The following ZNF469 variants were observed in gnomAD, a reference collection of about 807,000 sequenced individuals.
ZNF469 encodes the protein zinc finger protein 469.
A neutral mutation model predicts 1.0 loss-of-function variants in ZNF469; 1 was observed. That is an observed-to-expected ratio of 1.00 (90% CI 0.35 to 4.73). The LOEUF (loss-of-function observed/expected upper bound fraction) is 4.73, where lower values mean the gene tolerates loss of function less well. ZNF469 is among the 30% of genes most tolerant of loss of function. The pLI is 0.16. For missense variants in ZNF469, 6,100 were observed against 5,356.3 expected (o/e 1.14, Z -4.33); for synonymous variants, 2,703 against 2,363.4 (o/e 1.14, Z -4.17).
chr16:88,123,844 C>T, the ZNF469 span, among the ~76,000 whole-genome samples: 1 of 152,146 alleles, frequency 6.6e-6, no homozygotes, highest in Non-Finnish European at 1.5e-5. Context: ...ACTCTTGTTG[C>T]CCAGGCTGGA....
the ZNF469 span, among the ~76,000 whole-genome samples, chr16:88,167,128 C>T: frequency 1.6e-5 from 2 of 128,150 alleles, no homozygotes; most frequent in Admixed American, 1.9e-4. Flanking sequence ...GTGGTGTGAT[C>T]TTGGCTCACT....
rs891458668 is a variant in ZNF469, at chr16:88,430,663, C to T, written c.3193C>T (p.Leu1065=). ...GCAGAAGAACAGGCGCCACCGGCGGCTGGGGCGGCGGGCGGGCAGGTGCGG... is the reference window on the plus strand; with the variant it reads ...GCAGAAGAACAGGCGCCACCGGCGGTTGGGGCGGCGGGCGGGCAGGTGCGG... ...VQQKNRRHRR[L]GRRAGRCGSL... is the part of the protein sequence containing the mutation. The change falls in exon 3 of 3, where the codon CTG becomes TTG. Residue 1065 remains leucine, a synonymous_variant. Coordinates refer to ENST00000565624, the MANE Select transcript of ZNF469 (RefSeq NM_001367624.2). 2.7e-6 allele frequency: 4 copies of T among 1,495,626 alleles called. No homozygotes were observed. The highest frequency in any genetic ancestry group is 4.4e-5 in the Admixed American group (2 of 45,976). The allele number at this position is 1,495,626 out of a possible 1,614,324, so 92.6% of individuals were successfully genotyped here.
At chr16:88,256,831 T>TTC in the ZNF469 span, among the ~76,000 whole-genome samples, 12 of 145,106 alleles carry the variant, frequency 8.3e-5, no homozygotes, top group South Asian at 2.2e-4. Context: ...CTCTTTTCTT[T>TTC]CTTCCTTCCT....
chr16:88,141,002 G>T, the ZNF469 span, among the ~76,000 whole-genome samples: 1 of 152,154 alleles, frequency 6.6e-6, no homozygotes, highest in Admixed American at 6.5e-5. Flanking sequence ...AGAATTTAAT[G>T]TAGGAAATTG....
chr16:88,327,315 C>T, the ZNF469 span, among the ~76,000 whole-genome samples: 3 of 152,232 alleles, frequency 2.0e-5, no homozygotes, highest in Non-Finnish European at 2.9e-5. Context: ...CGCCTCGCCA[C>T]GCTGGTCCTC....
chr16:88,298,920 G>T, the ZNF469 span, among the ~76,000 whole-genome samples: 1 of 152,218 alleles, frequency 6.6e-6, no homozygotes, highest in Non-Finnish European at 1.5e-5. Context: ...CCTCACAGAA[G>T]GTTTGGTGGT....
At chr16:88,143,679 T>C in the ZNF469 span, among the ~76,000 whole-genome samples, 151,748 of 152,362 alleles carry the variant, frequency 1, 75,569 homozygotes, top group East Asian at 1. Flanking sequence ...TGCTGTTAAA[T>C]GATGACAGCT....
At chr16:88,280,977 C>A in the ZNF469 span, among the ~76,000 whole-genome samples, 1 of 152,052 alleles carries the variant, frequency 6.6e-6, no homozygotes, top group African/African-American at 2.4e-5. Flanking sequence ...CTGTGCCACA[C>A]CGATGCTTGG....
intron 1 of ZNF469, among the ~76,000 whole-genome samples, chr16:88,399,259 C>T (rs1248461042): frequency 2.0e-5 from 3 of 152,224 alleles, no homozygotes; most frequent in African/African-American, 4.8e-5. Context: ...ATGGCGAAGT[C>T]TCCAGACTCA....
At chr16:88,311,626 C>G in the ZNF469 span, among the ~76,000 whole-genome samples, 4 of 152,130 alleles carry the variant, frequency 2.6e-5, no homozygotes, top group Non-Finnish European at 5.9e-5. Flanking sequence ...GTGCTGGGCT[C>G]CAACTGAGGG....
At chr16:88,101,734 C>T in the ZNF469 span, among the ~76,000 whole-genome samples, 3 of 152,176 alleles carry the variant, frequency 2.0e-5, no homozygotes, top group Admixed American at 6.5e-5. Context: ...CATTTGAACA[C>T]GTTTCAGAGC....
At chr16:88,129,404 T>C in the ZNF469 span, among the ~76,000 whole-genome samples, 1 of 151,384 alleles carries the variant, frequency 6.6e-6, no homozygotes, top group Non-Finnish European at 1.5e-5. Context: ...CAGAACTCAT[T>C]GTCCTCTGCT....
the ZNF469 span, among the ~76,000 whole-genome samples, chr16:88,280,542 G>A: frequency 3.3e-5 from 5 of 151,462 alleles, no homozygotes; most frequent in Non-Finnish European, 7.4e-5. Flanking sequence ...ACGGGTTGGT[G>A]CTGTGCCACG....
chr16:88,421,702 A>G (rs1445504780), intron 1 of ZNF469, among the ~76,000 whole-genome samples: 2 of 152,194 alleles, frequency 1.3e-5, no homozygotes, highest in Non-Finnish European at 2.9e-5. Context: ...CAGGGTGTGG[A>G]GGCAGTGGGG....
rs898397275 is a variant in ZNF469 at position 88,409,875 on chromosome 16, G to C, written c.-191-14932G>C. ...TGGTGGCCATCTTGGCCGGGGGGGG[G>C]GGGGGGGGGCGCGGGGCGTTCCAGG... On this transcript the variant is annotated intron_variant, in intron 1 of 2. Coordinates refer to ENST00000565624, the MANE Select transcript of ZNF469 (RefSeq NM_001367624.2). 3.6e-4 allele frequency among the ~76,000 whole-genome samples: 41 copies of C among 115,252 alleles called. 1 individual carries two copies. The highest frequency in any genetic ancestry group is 1.1e-3 in the African/African-American group (34 of 30,394). 75.6% of individuals were successfully genotyped at this position (115,252 alleles called of 152,430 possible).
chr16:88,222,056 C>G, the ZNF469 span, among the ~76,000 whole-genome samples: 967 of 152,268 alleles, frequency 6.4e-3, 14 homozygotes, highest in African/African-American at 0.022. Context: ...TCATCACACT[C>G]TCACACTTTC....
the ZNF469 span, among the ~76,000 whole-genome samples, chr16:88,130,547 G>A: frequency 0.011 from 1,599 of 149,824 alleles, no homozygotes; most frequent in African/African-American, 0.036. Flanking sequence ...CTCTACTAAC[G>A]ATACAAAAAT....
At chr16:88,371,480 G>A in the ZNF469 span, among the ~76,000 whole-genome samples, 13 of 152,182 alleles carry the variant, frequency 8.5e-5, no homozygotes, top group African/African-American at 3.1e-4. Flanking sequence ...TCATCCCCAT[G>A]TGACAGATGG....
chr16:88,335,156 C>T, the ZNF469 span, among the ~76,000 whole-genome samples: 2 of 152,178 alleles, frequency 1.3e-5, no homozygotes, highest in Non-Finnish European at 2.9e-5. Context: ...AGAGGATGAA[C>T]GTCTGTTGCC....
Sources: allele counts gnomAD v4.1 joint callset (sites outside exome capture counted in the v4.1 genomes callset), GRCh38; gene constraint gnomAD v4.1.1; transcripts MANE v1.5; gene names NCBI Gene and HGNC (gene_info 2026-07-23, HGNC 2026-07-21).